The following ULK4 variants were observed in gnomAD, a reference collection of about 807,000 sequenced individuals.
ULK4 encodes the protein inactive serine/threonine-protein kinase ULK4.
ULK4 carries 133 observed loss-of-function variants against 160.6 expected under a neutral mutation model. That is an observed-to-expected ratio of 0.83 (90% CI 0.72 to 0.96). The LOEUF is 0.96. Ranked by LOEUF, ULK4 falls within the 40% of genes least tolerant of loss-of-function variation. ULK4 has a pLI of 0.00. For missense variants in ULK4, 1,580 were observed against 1,499.5 expected (o/e 1.05, Z -0.89); for synonymous variants, 534 against 539.8 (o/e 0.99, Z 0.15).
intron 15 of ULK4, 63 bp downstream of exon 15, chr3:41,896,759 C>A: frequency 6.8e-7 from 1 of 1,474,752 alleles, no homozygotes; most frequent in African/African-American, 1.4e-5. Flanking sequence ...GTTATTTTAG[C>A]ACTTGTTTGA....
intron 32 of ULK4, among the ~76,000 whole-genome samples, chr3:41,510,848 C>G (rs1475858728): frequency 6.6e-6 from 1 of 152,118 alleles, no homozygotes; most frequent in African/African-American, 2.4e-5. Flanking sequence ...GAGGAAAGTT[C>G]ATAGCATTAA....
intron 16 of ULK4, among the ~76,000 whole-genome samples, chr3:41,887,021 A>C (rs1019999793): frequency 6.6e-6 from 1 of 152,236 alleles, no homozygotes; most frequent in Non-Finnish European, 1.5e-5. Flanking sequence ...CATCCTAAAT[A>C]AAACTACAAA....
At chr3:41,282,336 T>C (rs1198455852) in intron 35 of ULK4, among the ~76,000 whole-genome samples, 2 of 152,182 alleles carry the variant, frequency 1.3e-5, no homozygotes, top group Non-Finnish European at 2.9e-5. Context: ...GAGCCTGCAT[T>C]GCCAAGATAA....
chr3:41,364,548 CAA>C (rs2081215288), intron 35 of ULK4, among the ~76,000 whole-genome samples: 1 of 152,106 alleles, frequency 6.6e-6, no homozygotes, highest in Non-Finnish European at 1.5e-5. Context: ...TACTGCTGCT[CAA>C]AGTCTCTCCA....
intron 32 of ULK4, among the ~76,000 whole-genome samples, chr3:41,565,226 G>A (rs2087743648): frequency 6.6e-6 from 1 of 152,204 alleles, no homozygotes; most frequent in Non-Finnish European, 1.5e-5. Flanking sequence ...GTTACGTAAT[G>A]CATGACTGTA....
intron 17 of ULK4, among the ~76,000 whole-genome samples, chr3:41,867,634 C>T (rs1005832400): frequency 3.9e-5 from 6 of 152,220 alleles, no homozygotes; most frequent in African/African-American, 1.4e-4. Context: ...GCCTCAACCT[C>T]CCAAAGTGCT....
At chr3:41,589,781 A>G (rs564109453) in intron 31 of ULK4, among the ~76,000 whole-genome samples, 1 of 152,160 alleles carries the variant, frequency 6.6e-6, no homozygotes, top group South Asian at 2.1e-4. Flanking sequence ...CAAAATATAC[A>G]ATGTCAGAAA....
At chr3:41,294,993 T>G (rs72863427) in intron 35 of ULK4, among the ~76,000 whole-genome samples, 2,570 of 152,278 alleles carry the variant, frequency 0.017, 75 homozygotes, top group African/African-American at 0.058. Context: ...GAATAGCCAA[T>G]GCAGTATTGA....
chr3:41,933,640 G>C lies in ULK4; in HGVS notation c.379-1634C>G, dbSNP rs189284941. Among the ~76,000 whole-genome samples, 593 of 151,704 alleles carry C rather than the reference G, an allele frequency of 3.9e-3. 4 individuals are homozygous for C. The highest frequency in any genetic ancestry group is 7.2e-3 in the Non-Finnish European group (487 of 67,968). On this transcript the variant is annotated intron_variant, in intron 4 of 36. Transcript: ENST00000301831. ...CCCGGATAGATATCAGCAAACTACA[G>C]CCTCTGGGACAAACCCTGGCCACTG...
chr3:41,405,755 C>T (rs117055333), intron 34 of ULK4, among the ~76,000 whole-genome samples: 6 of 151,860 alleles, frequency 4.0e-5, no homozygotes, highest in South Asian at 2.1e-4. Flanking sequence ...GCTTCTTGGC[C>T]GCTTGTATGT....
chr3:41,787,986 T>C (rs1010787878), intron 21 of ULK4, among the ~76,000 whole-genome samples: 11 of 152,198 alleles, frequency 7.2e-5, no homozygotes, highest in Non-Finnish European at 4.4e-5. Flanking sequence ...TCTCAGCCTC[T>C]CTAACCACGG....
At chr3:41,352,000 C>G (rs1019099607) in intron 35 of ULK4, among the ~76,000 whole-genome samples, 1 of 152,108 alleles carries the variant, frequency 6.6e-6, no homozygotes, top group African/African-American at 2.4e-5. Context: ...CAGACACAGT[C>G]TATATTAAAA....
intron 30 of ULK4, among the ~76,000 whole-genome samples, chr3:41,629,415 C>G (rs1273761931): frequency 6.6e-6 from 1 of 152,138 alleles, no homozygotes; most frequent in Non-Finnish European, 1.5e-5. Flanking sequence ...AGCTGGGTGC[C>G]AAGAGGAAGC....
intron 17 of ULK4, among the ~76,000 whole-genome samples, chr3:41,864,523 G>A (rs2042574287): frequency 6.6e-6 from 1 of 151,982 alleles, no homozygotes; most frequent in South Asian, 2.1e-4. Context: ...GGGATGATAG[G>A]TGGAATCCTC....
chr3:41,353,699 TTACTAC>T (rs4016416), intron 35 of ULK4, among the ~76,000 whole-genome samples: 45,410 of 143,504 alleles, frequency 0.32, 7,254 homozygotes, highest in East Asian at 0.51. Flanking sequence ...ATAATTACAA[TTACTAC>T]TACTACTACT....
At position 41,259,064 on chromosome 3, in the gene ULK4, A is replaced by G. The variant is rs1472597144; in HGVS notation, c.3679-9490T>C. Among the ~76,000 whole-genome samples, 4 of 149,250 alleles carry G rather than the reference A, an allele frequency of 2.7e-5. No homozygotes were observed. The Admixed American group carries it at 2.7e-4, about 10-fold the overall frequency. Reference sequence around the variant, plus strand: ...TATACACACATATATGTATATGTATATGTGTATATACATCTGATGATATAT... The same window carrying G: ...TATACACACATATATGTATATGTATGTGTGTATATACATCTGATGATATAT... On this transcript the variant is annotated intron_variant, in intron 35 of 36. Transcript: ENST00000301831.
chr3:41,338,625 G>A (rs2080615234), intron 35 of ULK4, among the ~76,000 whole-genome samples: 1 of 152,142 alleles, frequency 6.6e-6, no homozygotes, highest in Non-Finnish European at 1.5e-5. Context: ...CCAGTCCCTA[G>A]TTGGAGTCCA....
At chr3:41,382,218 A>C (rs2081671555) in intron 35 of ULK4, among the ~76,000 whole-genome samples, 1 of 152,182 alleles carries the variant, frequency 6.6e-6, no homozygotes, top group African/African-American at 2.4e-5. Flanking sequence ...TCACTCTCTT[A>C]GTAAGCTCCA....
chr3:41,923,778 A>G (rs1443462553), intron 5 of ULK4, among the ~76,000 whole-genome samples: 1 of 152,238 alleles, frequency 6.6e-6, no homozygotes, highest in Admixed American at 6.5e-5. Context: ...CTGTAGGTAG[A>G]GGATTCTAAA....
Sources: gnomAD v4.1 joint callset for allele counts (sites outside exome capture counted in the v4.1 genomes callset) on GRCh38, gnomAD v4.1.1 for gene constraint, MANE v1.5 for transcripts, NCBI Gene and HGNC (gene_info 2026-07-23, HGNC 2026-07-21) for gene names.